RBM19: variants seen among roughly 807,000 people sequenced by gnomAD.
RBM19 encodes the protein RNA binding motif protein 19, also known as probable RNA-binding protein 19.
In RBM19, 94 loss-of-function variants were observed where a neutral mutation model predicts 116.8. The observed-to-expected ratio is 0.80, with a 90% CI of 0.68 to 0.95. The LOEUF (loss-of-function observed/expected upper bound fraction) is 0.95. Among genes scored for constraint, RBM19 ranks in the 40% least tolerant of loss-of-function variants. RBM19 has a pLI of 0.00. For synonymous variants in RBM19, 475 were observed against 494.1 expected (o/e 0.96, Z 0.51); for missense variants, 1,161 against 1,220.7 (o/e 0.95, Z 0.73).
intron 1 of RBM19, among the ~76,000 whole-genome samples, chr12:113,965,762 T>A (rs1219729409): frequency 6.6e-6 from 1 of 151,706 alleles, no homozygotes; most frequent in Non-Finnish European, 1.5e-5. Context: ...AGGATGGGAG[T>A]GGGAATTGGA....
At chr12:113,862,566 G>A (rs192568719) in intron 21 of RBM19, among the ~76,000 whole-genome samples, 156 of 152,300 alleles carry the variant, frequency 1.0e-3, no homozygotes, top group African/African-American at 3.1e-3. Flanking sequence ...CAAGGTCTAC[G>A]AAGCTGTTTT....
chr12:113,867,961 G>T (rs1335215484), intron 21 of RBM19, among the ~76,000 whole-genome samples: 2 of 152,080 alleles, frequency 1.3e-5, no homozygotes, highest in East Asian at 3.9e-4. Flanking sequence ...AGGAAATGTA[G>T]AAGGATGAAA....
chr12:113,927,158 C>T lies in RBM19; in HGVS notation c.2140G>A (p.Glu714Lys), dbSNP rs1192459786. The change falls in exon 17 of 24, where the codon GAA (glutamate) becomes AAA (lysine). Residue 714 changes from glutamate (E) to lysine (K), a missense_variant. Coordinates refer to ENST00000261741, the MANE Select transcript of RBM19 (RefSeq NM_016196.4). ...TCTTCCTCTTCCTCCTCCTCCTCTT[C>T]CATCTTTGCTGAAGAGTTGTCTGCT... Reference protein sequence around the residue: ...EGADNSSAKMEEEEEEEEEEE... With the variant: ...EGADNSSAKMKEEEEEEEEEE... 6.2e-7 allele frequency: 1 copy of T among 1,604,936 alleles called. No homozygotes were observed. The highest frequency in any genetic ancestry group is 8.5e-7 in the Non-Finnish European group (1 of 1,175,380).
intron 22 of RBM19, among the ~76,000 whole-genome samples, chr12:113,847,565 G>A (rs1206351191): frequency 6.6e-6 from 1 of 152,076 alleles, no homozygotes; most frequent in East Asian, 1.9e-4. Flanking sequence ...CTGGTGTGGC[G>A]GATGTTCCAT....
At chr12:113,899,361 T>G (rs1881537171) in intron 21 of RBM19, among the ~76,000 whole-genome samples, 1 of 152,082 alleles carries the variant, frequency 6.6e-6, no homozygotes, top group Non-Finnish European at 1.5e-5. Flanking sequence ...AAGCCAGGAG[T>G]GATACCAGGT....
chr12:113,951,516 C>T (rs1030656238), intron 8 of RBM19, among the ~76,000 whole-genome samples: 1 of 151,334 alleles, frequency 6.6e-6, no homozygotes, highest in African/African-American at 2.4e-5. Flanking sequence ...GACAGGTTTA[C>T]CTGACTGCAC....
chr12:113,884,573 G>A (rs1380471052), intron 21 of RBM19, among the ~76,000 whole-genome samples: 1 of 152,228 alleles, frequency 6.6e-6, no homozygotes, highest in African/African-American at 2.4e-5. Context: ...GGGAAACTCC[G>A]TACTGGAGGC....
rs149761660 is a variant in RBM19 at position 113,958,188 on chromosome 12, C to A, written c.572-138G>T. 63 of 1,460,540 alleles carry A rather than the reference C, an allele frequency of 4.3e-5. 1 individual carries two copies. The Middle Eastern group carries it at 1.5e-3, about 34-fold the overall frequency. The allele number at this position is 1,460,540 out of a possible 1,614,324, so 90.5% of individuals were successfully genotyped here. A position where few individuals can be genotyped will look rare whatever the true frequency, so the allele number is the denominator to read the frequency against. ...TGTCCATGGCCCCTGTGCCCAGCAT[C>A]CCCCATAAGTCCTCTGATTAGCAAT... On this transcript the variant is annotated intron_variant, in intron 5 of 23. Coordinates refer to ENST00000261741, the MANE Select transcript of RBM19 (RefSeq NM_016196.4).
intron 21 of RBM19, among the ~76,000 whole-genome samples, chr12:113,905,787 G>A (rs1350833056): frequency 2.0e-5 from 3 of 152,006 alleles, no homozygotes; most frequent in Admixed American, 1.3e-4. Context: ...TTAAAAAGTG[G>A]GCAAAAGACT....
At position 113,873,568 on chromosome 12, in the gene RBM19, G is replaced by C. The variant is rs1401535190; in HGVS notation, c.2559-14672C>G. Among the ~76,000 whole-genome samples the C allele has an allele frequency of 7.5e-5, 9 of 119,842 alleles. No homozygotes were observed. The East Asian group carries it at 2.1e-3, about 28-fold the overall frequency. 78.6% of individuals were successfully genotyped at this position (119,842 alleles called of 152,430 possible). A position where few individuals can be genotyped will look rare whatever the true frequency, so the allele number is the denominator to read the frequency against. On this transcript the variant is annotated intron_variant, in intron 21 of 23. Coordinates refer to ENST00000261741, the MANE Select transcript of RBM19 (RefSeq NM_016196.4). ...GGAAGGCCGCAGGGTCCTCTGCCTAGGAAAACCAGAGACCTTTGTTCACTT... is the reference window on the plus strand; with the variant it reads ...GGAAGGCCGCAGGGTCCTCTGCCTACGAAAACCAGAGACCTTTGTTCACTT...
chr12:113,835,328 G>C (rs1319885519), intron 23 of RBM19, among the ~76,000 whole-genome samples: 1 of 152,150 alleles, frequency 6.6e-6, no homozygotes, highest in African/African-American at 2.4e-5. Flanking sequence ...GTTAGATGTG[G>C]GGCCCAGGCA....
At chr12:113,910,911 C>A (rs1295260964) in intron 21 of RBM19, among the ~76,000 whole-genome samples, 2 of 152,230 alleles carry the variant, frequency 1.3e-5, no homozygotes, top group African/African-American at 4.8e-5. Context: ...TGCATGTATA[C>A]ACTCAGGCCC....
intron 22 of RBM19, among the ~76,000 whole-genome samples, chr12:113,855,528 G>A (rs1185022224): frequency 6.6e-6 from 1 of 152,198 alleles, no homozygotes; most frequent in African/African-American, 2.4e-5. Context: ...CAGGAAATGG[G>A]ATCAATGCCC....
At chr12:113,895,863 T>C (rs1881285006) in intron 21 of RBM19, among the ~76,000 whole-genome samples, 1 of 150,166 alleles carries the variant, frequency 6.7e-6, no homozygotes, top group Non-Finnish European at 1.5e-5. Flanking sequence ...ACTATAGCTA[T>C]ATATAGGATT....
At chr12:113,960,935 G>A (rs1010446130) in intron 2 of RBM19, among the ~76,000 whole-genome samples, 1 of 152,168 alleles carries the variant, frequency 6.6e-6, no homozygotes, top group African/African-American at 2.4e-5. Flanking sequence ...GGTTACTGGG[G>A]CATCCACCAC....
intron 21 of RBM19, among the ~76,000 whole-genome samples, chr12:113,879,450 T>TATATATATATATATATATATATATA (rs61645545): frequency 6.7e-6 from 1 of 149,240 alleles, no homozygotes; most frequent in Non-Finnish European, 1.5e-5. Flanking sequence ...TATATATATA[T>TATATATATATATATATATATATATA]GGACTTTTCT....
rs1881491231 is a variant in RBM19, at chr12:113,898,498, G to GAGTA, written c.2558+16467_2558+16470dup. Among the ~76,000 whole-genome samples, 1 of 152,300 alleles carries GAGTA rather than the reference G, an allele frequency of 6.6e-6. No individual in the cohort carries two copies. Among genetic ancestry groups the GAGTA allele is most frequent in the South Asian group, 2.1e-4 (1 of 4,816 alleles). On this transcript the variant is annotated intron_variant, in intron 21 of 23. Coordinates refer to ENST00000261741, the MANE Select transcript of RBM19 (RefSeq NM_016196.4). This position sits in a 1 kb window ranked among gnomAD's most constrained non-coding sequence, Gnocchi z 4.3. The stretch of plus-strand genomic sequence containing the variant: ...AACATTTTTCTGTTCCCAATTCCAA[G>GAGTA]AGTAATTGGTTATCCATTCATTCAT...
At chr12:113,947,493 G>A (rs1231619718) in intron 10 of RBM19, 29 bp from the exon 11 acceptor site, 1 of 1,572,702 alleles carries the variant, frequency 6.4e-7, no homozygotes, top group Non-Finnish European at 8.7e-7. Context: ...TCGGTCTCTG[G>A]TAGGCCGCAG....
chr12:113,862,429 G>GAGCTATCGAA (rs1483826748), intron 21 of RBM19, among the ~76,000 whole-genome samples: 1 of 152,018 alleles, frequency 6.6e-6, no homozygotes, highest in African/African-American at 2.4e-5. Context: ...TGATCTCAGA[G>GAGCTATCGAA]AGCTATCGAA....
Sources: allele counts gnomAD v4.1 joint callset (sites outside exome capture counted in the v4.1 genomes callset), GRCh38; gene constraint gnomAD v4.1.1; non-coding constraint Gnocchi (gnomAD v3.1); transcripts MANE v1.5; gene names NCBI Gene and HGNC (gene_info 2026-07-23, HGNC 2026-07-21).